Variants in GRB10 observed in about 807,000 individuals in gnomAD.
GRB10 encodes the protein growth factor receptor-bound protein 10.
Under a neutral mutation model 80.9 loss-of-function variants are expected in GRB10, and 20 were observed. The ratio of observed to expected loss-of-function variants is 0.25; its 90% CI spans 0.17 to 0.36. GRB10 has a LOEUF of 0.36. Among genes scored for constraint, GRB10 ranks in the 10% least tolerant of loss-of-function variants. GRB10 has a pLI of 1.00. For synonymous variants in GRB10, 291 were observed against 291.5 expected, an observed-to-expected ratio of 1.00 and a Z score of 0.02; for missense variants, 548 against 747.7, an observed-to-expected ratio of 0.73 and a Z score of 3.12.
At chr7:50,751,263 C>T (rs2074061095) in intron 3 of GRB10, among the ~76,000 whole-genome samples, 1 of 152,130 alleles carries the variant, frequency 6.6e-6, no homozygotes, top group Admixed American at 6.5e-5. Context: ...AAAGGAAGGA[C>T]ACTGCTTTCC....
chr7:50,679,503 T>C (rs948514212), intron 5 of GRB10, among the ~76,000 whole-genome samples: 2 of 152,212 alleles, frequency 1.3e-5, no homozygotes, highest in South Asian at 2.1e-4. Flanking sequence ...GGATTCACTT[T>C]ACTAAATGAT....
chr7:50,742,269 GCGCACACACA>G (rs1369196739), intron 3 of GRB10, among the ~76,000 whole-genome samples: 4,995 of 32,526 alleles, frequency 0.15, 271 homozygotes, highest in African/African-American at 0.18. Flanking sequence ...GCACGCGCGC[GCGCACACACA>G]CACACACACA....
rs756792141 is a variant in GRB10, at chr7:50,626,811, T to C, written c.661+11A>G. 3 of 1,614,178 alleles carry C rather than the reference T, an allele frequency of 1.9e-6. No individual in the cohort carries two copies. The highest frequency in any genetic ancestry group is 2.2e-5 in the East Asian group (1 of 44,878). ...TCCCCAGGTGCCAATCCTGTTCTGA[T>C]GGTTCCCTACCTAATCCTAGGTGCG... On this transcript the variant is annotated intron_variant, in intron 8 of 18. Coordinates refer to ENST00000401949, the MANE Select transcript of GRB10 (RefSeq NM_001350814.2).
At chr7:50,692,973 T>C (rs1391728442) in intron 5 of GRB10, among the ~76,000 whole-genome samples, 1 of 152,146 alleles carries the variant, frequency 6.6e-6, no homozygotes, top group Non-Finnish European at 1.5e-5. Context: ...GTAGCTCTGA[T>C]GAGGAAGATA....
chr7:50,745,154 AC>A (rs1369406226), intron 3 of GRB10, among the ~76,000 whole-genome samples: 1 of 152,154 alleles, frequency 6.6e-6, no homozygotes, highest in East Asian at 1.9e-4. Context: ...ACTGAAAAAA[AC>A]TCCACATATA....
At chr7:50,631,979 A>G (rs976541549) in intron 7 of GRB10, among the ~76,000 whole-genome samples, 1 of 152,190 alleles carries the variant, frequency 6.6e-6, no homozygotes, top group African/African-American at 2.4e-5. Context: ...GTGGGCTCCA[A>G]GGCTTCACAC....
intron 7 of GRB10, among the ~76,000 whole-genome samples, chr7:50,629,325 C>T (rs145430347): frequency 6.6e-6 from 1 of 152,270 alleles, no homozygotes; most frequent in East Asian, 1.9e-4. Context: ...TGTTCCACAG[C>T]CATCCCCCCA....
chr7:50,702,708 A>T (rs1435287976), intron 5 of GRB10, among the ~76,000 whole-genome samples: 1 of 152,192 alleles, frequency 6.6e-6, no homozygotes, highest in Non-Finnish European at 1.5e-5. Flanking sequence ...GCTCTCTTCT[A>T]CACAGAATGT....
intron 4 of GRB10, among the ~76,000 whole-genome samples, chr7:50,728,918 G>A (rs914578285): frequency 6.6e-6 from 1 of 152,132 alleles, no homozygotes; most frequent in African/African-American, 2.4e-5. Context: ...TGGTCCACCC[G>A]CCTCTGCCTC....
chr7:50,781,320 G>A (rs934126198), intron 1 of GRB10: 2 of 150,402 alleles, frequency 1.3e-5, no homozygotes, highest in Admixed American at 1.3e-4. Context: ...TGGAGTGACA[G>A]AGAGAAAGAA....
At chr7:50,632,713 A>C (rs979377973) in intron 7 of GRB10, among the ~76,000 whole-genome samples, 7 of 152,164 alleles carry the variant, frequency 4.6e-5, no homozygotes, top group Non-Finnish European at 7.4e-5. Flanking sequence ...AGGGAGAACC[A>C]CAGGGTTGGG....
chr7:50,661,027 G>A (rs1481773492), intron 7 of GRB10, among the ~76,000 whole-genome samples: 1 of 152,354 alleles, frequency 6.6e-6, no homozygotes, highest in East Asian at 1.9e-4. Flanking sequence ...GCCAGCGGGT[G>A]GAAGGGGCTA....
At chr7:50,734,779 G>C (rs1200774190) in intron 3 of GRB10, among the ~76,000 whole-genome samples, 2 of 152,196 alleles carry the variant, frequency 1.3e-5, no homozygotes, top group African/African-American at 2.4e-5. Context: ...GTAAACTATA[G>C]TTAGATACAG....
intron 17 of GRB10, 72 bp from the exon 18 acceptor site, chr7:50,595,602 TACAC>T (rs59746858): frequency 0.054 from 30,152 of 559,192 alleles, 436 homozygotes; most frequent in African/African-American, 0.099. Flanking sequence ...CACACTCTCT[TACAC>T]ACACACACAC....
intron 1 of GRB10, among the ~76,000 whole-genome samples, chr7:50,792,124 A>G (rs1032114720): frequency 6.6e-6 from 1 of 152,180 alleles, no homozygotes; most frequent in African/African-American, 2.4e-5. Flanking sequence ...AAACGGCTGA[A>G]TCAGCATTTT....
intron 4 of GRB10, chr7:50,710,882 C>A (rs752904531): frequency 7.6e-5 from 123 of 1,612,662 alleles, no homozygotes; most frequent in Admixed American, 1.5e-4. Context: ...GACCTTACTA[C>A]GGAACAGAGG....
intron 5 of GRB10, among the ~76,000 whole-genome samples, chr7:50,680,797 ATGT>A (rs1260949917): frequency 6.6e-6 from 1 of 152,128 alleles, no homozygotes; most frequent in Non-Finnish European, 1.5e-5. Flanking sequence ...TTTTCTTAGA[ATGT>A]TTTTTTTCTT....
chr7:50,639,589 C>T (rs1367408007), intron 7 of GRB10, among the ~76,000 whole-genome samples: 4 of 151,846 alleles, frequency 2.6e-5, no homozygotes, highest in Non-Finnish European at 5.9e-5. Flanking sequence ...GGGAGAATGG[C>T]GTGAACCGGG....
At chr7:50,700,456 C>T (rs2329489) in intron 5 of GRB10, among the ~76,000 whole-genome samples, 93,524 of 152,036 alleles carry the variant, frequency 0.62, 31,600 homozygotes, top group Middle Eastern at 0.85. Flanking sequence ...CTGTTATGGT[C>T]GTTTTTACCA....
Sources: gnomAD v4.1 joint callset for allele counts (sites outside exome capture counted in the v4.1 genomes callset) on GRCh38, gnomAD v4.1.1 for gene constraint, MANE v1.5 for transcripts, NCBI Gene and HGNC (gene_info 2026-07-23, HGNC 2026-07-21) for gene names.